UNC13C: variants seen among roughly 807,000 people sequenced by gnomAD.
The protein encoded by UNC13C is protein unc-13 homolog C.
In UNC13C, 174 loss-of-function variants were observed where a neutral mutation model predicts 245.4. The ratio of observed to expected loss-of-function variants is 0.71; its 90% CI spans 0.63 to 0.80. The LOEUF (loss-of-function observed/expected upper bound fraction) is 0.80, where lower values mean the gene tolerates loss of function less well. UNC13C is among the 30% of genes least tolerant of loss of function. The probability of loss-of-function intolerance (pLI) is 0.00; values close to 1 mark genes in which losing one functional copy is unlikely to be tolerated. For synonymous variants in UNC13C, 992 were observed against 895.1 expected, an observed-to-expected ratio of 1.11 and a Z score of -1.93; for missense variants, 2,829 against 2,602.9, an observed-to-expected ratio of 1.09 and a Z score of -1.89.
At chr15:54,102,097 T>G (rs765352322) in intron 2 of UNC13C, among the ~76,000 whole-genome samples, 8 of 150,420 alleles carry the variant, frequency 5.3e-5, no homozygotes, top group Admixed American at 2.0e-4. Context: ...CATAGTCATA[T>G]TATAAGTGAC....
intron 28 of UNC13C, among the ~76,000 whole-genome samples, chr15:54,553,728 T>A (rs1001839659): frequency 2.8e-4 from 43 of 151,438 alleles, no homozygotes; most frequent in African/African-American, 1.0e-3. Flanking sequence ...GATCTGTTGC[T>A]AAATTCTAAA....
chr15:54,354,458 T>G (rs1424489601), intron 17 of UNC13C, among the ~76,000 whole-genome samples: 1 of 152,200 alleles, frequency 6.6e-6, no homozygotes, highest in African/African-American at 2.4e-5. Flanking sequence ...ATACATAGTT[T>G]GCTGGACCTA....
intron 8 of UNC13C, among the ~76,000 whole-genome samples, chr15:54,263,410 T>G (rs574623194): frequency 6.6e-6 from 1 of 152,224 alleles, no homozygotes; most frequent in Admixed American, 6.5e-5. Flanking sequence ...GCCAGTAGCT[T>G]AAGGTTAGGG....
chr15:54,303,195 A>G (rs1048674255), intron 13 of UNC13C, among the ~76,000 whole-genome samples: 1 of 152,150 alleles, frequency 6.6e-6, no homozygotes, highest in African/African-American at 2.4e-5. Context: ...TTGTTTTATA[A>G]TTGGTCAACC....
intron 17 of UNC13C, among the ~76,000 whole-genome samples, chr15:54,343,504 C>T (rs1354539223): frequency 6.6e-6 from 1 of 152,192 alleles, no homozygotes; most frequent in Admixed American, 6.5e-5. Flanking sequence ...CACTCCTGAA[C>T]CAAACTGCTC....
chr15:54,303,171 A>G (rs1173881253), intron 13 of UNC13C, among the ~76,000 whole-genome samples: 2 of 152,120 alleles, frequency 1.3e-5, no homozygotes, highest in African/African-American at 2.4e-5. Context: ...GGAGCTCACT[A>G]CTTTGGAGGG....
At position 54,332,119 on chromosome 15, in the gene UNC13C, C is replaced by A. The variant is rs1359061346; in HGVS notation, c.4494+8C>A. On this transcript the variant is annotated splice_region_variant and intron_variant, in intron 15 of 32. Coordinates refer to ENST00000260323, the MANE Select transcript of UNC13C (RefSeq NM_001080534.3). Reference sequence around the variant, plus strand: ...GATCTGTCAAAGTATAGGGTATGTACAAATTTACTTGCCTAAAAGAAAACT... The same window carrying A: ...GATCTGTCAAAGTATAGGGTATGTAAAAATTTACTTGCCTAAAAGAAAACT... The A allele has an allele frequency of 6.5e-7, 1 of 1,533,918 alleles. No homozygotes were observed. Among genetic ancestry groups the A allele is most frequent in the Non-Finnish European group, 8.8e-7 (1 of 1,137,054 alleles).
chr15:54,397,974 A>C (rs72734706), intron 18 of UNC13C, among the ~76,000 whole-genome samples: 1,808 of 151,440 alleles, frequency 0.012, 17 homozygotes, highest in Non-Finnish European at 0.019. Flanking sequence ...TCTGGTTAAA[A>C]TCTTCAGTAC....
At position 54,013,701 on chromosome 15, in the gene UNC13C, C is replaced by G; in HGVS notation, c.798C>G (p.His266Gln). Residue 266 changes from histidine (H) to glutamine (Q), a missense_variant, in exon 2 of 33, where the codon CAC becomes CAG. Transcript: ENST00000260323. ...IETELSELRG[H>Q]VNALKHSIDE... ...CAGAACTTTCTGAACTACGAGGGCACGTCAATGCTCTCAAGCACTCCATCG... is the reference window on the plus strand; with the variant it reads ...CAGAACTTTCTGAACTACGAGGGCAGGTCAATGCTCTCAAGCACTCCATCG... The G allele has an allele frequency of 6.2e-7, 1 of 1,613,456 alleles. No homozygotes were observed.
intron 1 of UNC13C, among the ~76,000 whole-genome samples, chr15:53,994,850 T>C (rs909669172): frequency 6.6e-6 from 1 of 152,014 alleles, no homozygotes; most frequent in African/African-American, 2.4e-5. Context: ...AACAAGATAA[T>C]GACCTCAAGG....
intron 13 of UNC13C, among the ~76,000 whole-genome samples, chr15:54,314,098 G>A (rs2140967770): frequency 6.6e-6 from 1 of 151,518 alleles, no homozygotes; most frequent in Admixed American, 6.6e-5. Context: ...AACAAAACTG[G>A]AATTCACGGA....
At chr15:54,178,561 A>T (rs1352682564) in intron 4 of UNC13C, among the ~76,000 whole-genome samples, 1 of 152,198 alleles carries the variant, frequency 6.6e-6, no homozygotes, top group South Asian at 2.1e-4. Context: ...TTAAATAAAC[A>T]AATTCCAAGA....
the UNC13C span, among the ~76,000 whole-genome samples, chr15:53,854,153 C>G: frequency 8.7e-6 from 1 of 114,868 alleles, no homozygotes; most frequent in African/African-American, 3.1e-5. Flanking sequence ...TGGAGTTTCA[C>G]TCTGCCACCC....
intron 19 of UNC13C, among the ~76,000 whole-genome samples, chr15:54,472,264 G>T (rs1892504043): frequency 6.6e-6 from 1 of 151,560 alleles, no homozygotes; most frequent in South Asian, 2.1e-4. Flanking sequence ...CTCCTTGTTT[G>T]TGTTTGATGT....
chr15:54,181,773 T>TA (rs965671853), intron 4 of UNC13C, among the ~76,000 whole-genome samples: 8 of 151,872 alleles, frequency 5.3e-5, no homozygotes, highest in African/African-American at 1.9e-4. Flanking sequence ...CTTTTTGGTT[T>TA]AAAAAAATTT....
At chr15:54,175,351 A>G (rs2033570159) in intron 4 of UNC13C, among the ~76,000 whole-genome samples, 1 of 152,132 alleles carries the variant, frequency 6.6e-6, no homozygotes, top group African/African-American at 2.4e-5. Flanking sequence ...AGCAGAAGCC[A>G]TGGTGTCCAA....
At chr15:54,559,062 C>G (rs1425538580) in intron 29 of UNC13C, among the ~76,000 whole-genome samples, 1 of 152,004 alleles carries the variant, frequency 6.6e-6, no homozygotes, top group Admixed American at 6.6e-5. Context: ...GAACATGACA[C>G]TACATTATAT....
chr15:54,008,892 A>T (rs1466847011), intron 1 of UNC13C, among the ~76,000 whole-genome samples: 1 of 152,186 alleles, frequency 6.6e-6, no homozygotes, highest in East Asian at 1.9e-4. Flanking sequence ...TATCTCTTTG[A>T]ATCTCTTATC....
the UNC13C span, among the ~76,000 whole-genome samples, chr15:53,957,979 T>A: frequency 6.6e-6 from 1 of 152,186 alleles, no homozygotes; most frequent in African/African-American, 2.4e-5. Context: ...TTTTGTTTTT[T>A]TGTGTTTTTT....
Sources: allele counts gnomAD v4.1 joint callset (sites outside exome capture counted in the v4.1 genomes callset), GRCh38; gene constraint gnomAD v4.1.1; transcripts MANE v1.5; gene names NCBI Gene and HGNC (gene_info 2026-07-23, HGNC 2026-07-21).